Variants in RGS6 observed in about 807,000 individuals in gnomAD.
RGS6 encodes the protein regulator of G-protein signaling 6.
A neutral mutation model predicts 78.5 loss-of-function variants in RGS6; 30 were observed. The observed-to-expected ratio is 0.38, with a 90% confidence interval of 0.29 to 0.52. The LOEUF is 0.52. Ranked by LOEUF, RGS6 falls within the 20% of genes least tolerant of loss-of-function variation. The pLI is 0.85. For synonymous variants in RGS6, 206 were observed against 206.0 expected, an observed-to-expected ratio of 1.00 and a Z score of 0.00; for missense variants, 495 against 609.7, an observed-to-expected ratio of 0.81 and a Z score of 1.98.
intron 3 of RGS6, among the ~76,000 whole-genome samples, chr14:72,402,088 G>A (rs1196783630): frequency 1.3e-5 from 2 of 152,210 alleles, no homozygotes; most frequent in Non-Finnish European, 2.9e-5. Flanking sequence ...GGATCGGGCA[G>A]GAAGGGAGCT....
intron 2 of RGS6, among the ~76,000 whole-genome samples, chr14:72,275,078 T>C (rs1193826705): frequency 6.6e-6 from 1 of 152,218 alleles, no homozygotes; most frequent in African/African-American, 2.4e-5. Flanking sequence ...TGATCATCTT[T>C]GGGTAGGTCA....
chr14:72,125,733 C>T (rs1034638356), intron 2 of RGS6, among the ~76,000 whole-genome samples: 1 of 152,124 alleles, frequency 6.6e-6, no homozygotes, highest in Non-Finnish European at 1.5e-5. Flanking sequence ...AAATTCATGG[C>T]TCTTCATAGG....
chr14:72,284,214 A>T (rs1392321303), intron 2 of RGS6, among the ~76,000 whole-genome samples: 1 of 152,234 alleles, frequency 6.6e-6, no homozygotes, highest in Non-Finnish European at 1.5e-5. Flanking sequence ...CCATTTTCTG[A>T]GGAGAAATTC....
At chr14:72,041,193 A>T (rs1163905485) in intron 2 of RGS6, among the ~76,000 whole-genome samples, 1 of 152,142 alleles carries the variant, frequency 6.6e-6, no homozygotes, top group African/African-American at 2.4e-5. Context: ...AACTACAACA[A>T]CCAGCTCTTC....
intron 2 of RGS6, among the ~76,000 whole-genome samples, chr14:72,128,489 C>G (rs17179699): frequency 0.067 from 10,195 of 151,928 alleles, 397 homozygotes; most frequent in Non-Finnish European, 0.097. Context: ...AAGCACTGCT[C>G]TCACATCTCA....
chr14:72,471,708 A>G (rs959421063), intron 8 of RGS6, among the ~76,000 whole-genome samples: 1 of 152,046 alleles, frequency 6.6e-6, no homozygotes, highest in Admixed American at 6.5e-5. Context: ...GATGCCAGCC[A>G]CCTCCTGACC....
chr14:72,362,541 GCTTACT>G (rs1038464297), intron 3 of RGS6, among the ~76,000 whole-genome samples: 1 of 152,174 alleles, frequency 6.6e-6, no homozygotes, highest in African/African-American at 2.4e-5. Flanking sequence ...TGGCCTTGGT[GCTTACT>G]CTTAAACTCT....
chr14:72,271,756 A>G (rs2059973599), intron 2 of RGS6, among the ~76,000 whole-genome samples: 1 of 152,184 alleles, frequency 6.6e-6, no homozygotes, highest in Non-Finnish European at 1.5e-5. Context: ...TAGATAGGCT[A>G]AAAGCAAGGG....
intron 3 of RGS6, among the ~76,000 whole-genome samples, chr14:72,436,846 A>C (rs1405328861): frequency 1.3e-5 from 2 of 152,126 alleles, no homozygotes; most frequent in Non-Finnish European, 2.9e-5. Context: ...AACACTCCTT[A>C]GTGTATTCAT....
chr14:72,169,668 G>C (rs1246564749), intron 2 of RGS6, among the ~76,000 whole-genome samples: 1 of 152,190 alleles, frequency 6.6e-6, no homozygotes, highest in Non-Finnish European at 1.5e-5. Flanking sequence ...TGGGCACGTA[G>C]CTGGCCTACA....
At chr14:72,496,203 T>G (rs2096642770) in intron 13 of RGS6, among the ~76,000 whole-genome samples, 2 of 140,002 alleles carry the variant, frequency 1.4e-5, no homozygotes, top group Non-Finnish European at 3.0e-5. Context: ...AAAGAACCTT[T>G]GTTTATAGTC....
chr14:72,504,717 C>G (rs1023165388), intron 13 of RGS6, among the ~76,000 whole-genome samples: 1 of 150,516 alleles, frequency 6.6e-6, no homozygotes, highest in Non-Finnish European at 1.5e-5. Flanking sequence ...CTCCCCTCCT[C>G]TCCCCTCCCC....
At chr14:72,629,681 G>A in the RGS6 span, 2 of 1,536,128 alleles carry the variant, frequency 1.3e-6, no homozygotes, top group Non-Finnish European at 8.7e-7. Flanking sequence ...ACTGCCACTT[G>A]TAGGTCTTGA....
At chr14:72,318,853 A>G (rs1282171030) in intron 2 of RGS6, among the ~76,000 whole-genome samples, 1 of 152,228 alleles carries the variant, frequency 6.6e-6, no homozygotes, top group East Asian at 1.9e-4. Flanking sequence ...TCCTGTGTGT[A>G]TAGGAAGCAG....
At chr14:71,872,798 C>T in the RGS6 span, among the ~76,000 whole-genome samples, 1 of 152,114 alleles carries the variant, frequency 6.6e-6, no homozygotes, top group African/African-American at 2.4e-5. Flanking sequence ...CTCCCATTCC[C>T]CATCCCACGA....
chr14:71,990,028 T>C (rs1167761422), intron 2 of RGS6, among the ~76,000 whole-genome samples: 1 of 152,144 alleles, frequency 6.6e-6, no homozygotes, highest in Non-Finnish European at 1.5e-5. Context: ...ACAAGAAGCA[T>C]GGCACCGGCA....
Position 72,564,821 on chromosome 14 carries a change from G to A in RGS6, c.*2354G>A, listed in dbSNP as rs1179115864. 6.6e-6 allele frequency: 1 copy of A among 152,292 alleles called. No individual in the cohort carries two copies. Among genetic ancestry groups the A allele is most frequent in the Admixed American group, 6.5e-5 (1 of 15,290 alleles). The allele number at this position is 152,292 out of a possible 1,614,324, so 9.4% of individuals were successfully genotyped here. A position where few individuals can be genotyped will look rare whatever the true frequency, so the allele number is the denominator to read the frequency against. On this transcript the variant is annotated 3_prime_UTR_variant, in exon 18 of 18. Coordinates refer to ENST00000553525, the MANE Select transcript of RGS6 (RefSeq NM_001204424.2). ...CTGCAGGCTTACAAGCACCTCTGGG[G>A]ACATCCAGAGGGGAGGGTCAGTAAG...
chr14:71,979,258 T>C (rs2094320175), intron 2 of RGS6, among the ~76,000 whole-genome samples: 1 of 150,058 alleles, frequency 6.7e-6, no homozygotes, highest in Admixed American at 6.6e-5. Context: ...TGTGTCTCTA[T>C]TTCCTTCATT....
the RGS6 span, among the ~76,000 whole-genome samples, chr14:71,894,665 G>C: frequency 6.6e-6 from 1 of 152,136 alleles, no homozygotes; most frequent in East Asian, 1.9e-4. Context: ...ACAGTTTTGA[G>C]TGAACTTTTC....
Sources: gnomAD v4.1 joint callset for allele counts (sites outside exome capture counted in the v4.1 genomes callset) on GRCh38, gnomAD v4.1.1 for gene constraint, MANE v1.5 for transcripts, NCBI Gene and HGNC (gene_info 2026-07-23, HGNC 2026-07-21) for gene names.